The following LAMA2 variants were observed in gnomAD, a reference collection of about 807,000 sequenced individuals.
The protein encoded by LAMA2 is laminin subunit alpha-2.
LAMA2 carries 269 observed loss-of-function variants against 364.8 expected under a neutral mutation model. That is an observed-to-expected ratio of 0.74 (90% CI 0.67 to 0.82). LAMA2 has a LOEUF of 0.82. Ranked by LOEUF, LAMA2 falls within the 40% of genes least tolerant of loss-of-function variation. The probability of loss-of-function intolerance (pLI) is 0.00; values close to 1 mark genes in which losing one functional copy is unlikely to be tolerated. For missense variants in LAMA2, 3,807 were observed against 3,873.2 expected (o/e 0.98, Z 0.45); for synonymous variants, 1,379 against 1,370.6 (o/e 1.01, Z -0.14).
intron 32 of LAMA2, 54 bp downstream of exon 32, chr6:129,353,411 T>G: frequency 7.0e-7 from 1 of 1,436,402 alleles, no homozygotes; most frequent in African/African-American, 1.4e-5. Context: ...CAGTTCTGTC[T>G]CATTTCCAAT....
chr6:129,097,093 C>T (rs78808887), intron 3 of LAMA2, among the ~76,000 whole-genome samples: 1 of 152,182 alleles, frequency 6.6e-6, no homozygotes, highest in Non-Finnish European at 1.5e-5. Flanking sequence ...TTGTGCCCCA[C>T]CAGTGACCTC....
intron 1 of LAMA2, among the ~76,000 whole-genome samples, chr6:128,943,521 G>A (rs909069552): frequency 6.6e-6 from 1 of 151,822 alleles, no homozygotes; most frequent in Non-Finnish European, 1.5e-5. Flanking sequence ...TGAACTCCTG[G>A]ACCTCCAGCA....
At chr6:129,486,900 T>A (rs1784614868) in intron 56 of LAMA2, among the ~76,000 whole-genome samples, 1 of 152,088 alleles carries the variant, frequency 6.6e-6, no homozygotes, top group African/African-American at 2.4e-5. Flanking sequence ...ATAAGAAAAA[T>A]CCCTCCCTCT....
At position 128,957,341 on chromosome 6, in the gene LAMA2, T is replaced by C. The variant is rs956303410; in HGVS notation, c.112+73984T>C. Among the ~76,000 whole-genome samples the C allele has an allele frequency of 3.3e-5, 5 of 152,170 alleles. No homozygotes were observed. In the South Asian group the frequency reaches 8.3e-4, roughly 25 times the overall value. On this transcript the variant is annotated intron_variant, in intron 1 of 64. Coordinates refer to ENST00000421865, the MANE Select transcript of LAMA2 (RefSeq NM_000426.4). The stretch of plus-strand genomic sequence containing the variant: ...TGTCTTCAATATACCTACCATAGAC[T>C]GTAAGGGATTATTTCGAGTAGTCAG...
intron 8 of LAMA2, among the ~76,000 whole-genome samples, chr6:129,159,662 T>C (rs1779340568): frequency 6.6e-6 from 1 of 152,254 alleles, no homozygotes; most frequent in Admixed American, 6.5e-5. Context: ...TGGCGAGAGC[T>C]GACATCTTCA....
chr6:129,346,379 C>G (rs1405080923), intron 30 of LAMA2, among the ~76,000 whole-genome samples: 1 of 152,164 alleles, frequency 6.6e-6, no homozygotes, highest in East Asian at 1.9e-4. Flanking sequence ...CAAACCCTAC[C>G]TCTGCCACAA....
rs147958976 is a variant in LAMA2, at chr6:129,406,979, G to A, written c.5865+3020G>A. ...CTGGTGTAAGTCCAGGAATCCAAAA[G>A]CTGAAGAACTTGGAGTGTGATGTTC... is the stretch of plus-strand genomic sequence containing the variant. On this transcript the variant is annotated intron_variant, in intron 40 of 64. Coordinates refer to ENST00000421865, the MANE Select transcript of LAMA2 (RefSeq NM_000426.4). Among the ~76,000 whole-genome samples the A allele has an allele frequency of 2.7e-3, 416 of 152,286 alleles. 3 individuals are homozygous for A. The highest frequency in any genetic ancestry group is 9.7e-3 in the African/African-American group (401 of 41,550).
intron 18 of LAMA2, among the ~76,000 whole-genome samples, chr6:129,286,960 A>AGAAG (rs1789285508): frequency 1.6e-3 from 1 of 638 alleles, no homozygotes; most frequent in South Asian, 0.25. Context: ...CAGGAGACAA[A>AGAAG]GAAAGAAAGA....
At chr6:129,472,172 C>T (rs1783844464) in intron 51 of LAMA2, among the ~76,000 whole-genome samples, 1 of 151,848 alleles carries the variant, frequency 6.6e-6, no homozygotes, top group South Asian at 2.1e-4. Context: ...CAGTATTTGT[C>T]ATATTTATTT....
intron 12 of LAMA2, among the ~76,000 whole-genome samples, chr6:129,242,351 A>G (rs1362061516): frequency 6.6e-6 from 1 of 152,158 alleles, no homozygotes; most frequent in Non-Finnish European, 1.5e-5. Flanking sequence ...CACAAGGATT[A>G]TACATTTTCT....
intron 32 of LAMA2, among the ~76,000 whole-genome samples, chr6:129,364,101 T>TTGTCACCTGCAAGAAGCTGCAGG (rs538824801): frequency 2.0e-5 from 3 of 152,156 alleles, no homozygotes; most frequent in Non-Finnish European, 4.4e-5. Flanking sequence ...CGCTCTACAG[T>TTGTCACCTGCAAGAAGCTGCAGG]TGTCACCTGC....
chr6:129,144,477 A>AT (rs35321076), intron 5 of LAMA2, among the ~76,000 whole-genome samples: 3 of 151,818 alleles, frequency 2.0e-5, no homozygotes, highest in African/African-American at 4.8e-5. Context: ...GCTTTGAAAC[A>AT]TTTTTTTGCC....
chr6:129,403,846 T>A lies in LAMA2; in HGVS notation c.5752T>A (p.Ser1918Thr), dbSNP rs1210657779. The A allele has an allele frequency of 7.4e-6, 12 of 1,613,626 alleles. No homozygotes were observed. The highest frequency in any genetic ancestry group is 9.3e-6 in the Non-Finnish European group (11 of 1,179,792). ...DGILDEAKNI[S>T]FNATAAFKAY... ...AATCCTTGATGAGGCTAAAAACATC[T>A]CCTTCAATGCCACTGCAGCCTTCAA... The change falls in exon 40 of 65, where the codon TCC becomes ACC. Residue 1918 changes from serine to threonine, a missense_variant. Physicochemically the swap from Ser to Thr is moderately conservative, Grantham distance 58 (BLOSUM62 1). Transcript: ENST00000421865.
At chr6:129,384,361 A>AT (rs1778860181) in intron 35 of LAMA2, among the ~76,000 whole-genome samples, 1 of 152,182 alleles carries the variant, frequency 6.6e-6, no homozygotes, top group Non-Finnish European at 1.5e-5. Context: ...GCGGATCCCC[A>AT]AAGGCCCTAG....
At chr6:128,905,659 G>C (rs1446048913) in intron 1 of LAMA2, 3 of 149,972 alleles carry the variant, frequency 2.0e-5, no homozygotes, top group African/African-American at 7.4e-5. Context: ...TATACTTTAA[G>C]TTTTAGGGTA....
At chr6:129,135,420 G>T (rs1397416178) in intron 4 of LAMA2, among the ~76,000 whole-genome samples, 1 of 152,182 alleles carries the variant, frequency 6.6e-6, no homozygotes, top group Non-Finnish European at 1.5e-5. Flanking sequence ...AGTGAATTCA[G>T]ACTGGAATCG....
chr6:129,286,567 T>A lies in LAMA2; in HGVS notation c.2538-1280T>A, dbSNP rs1343272047. On this transcript the variant is annotated intron_variant, in intron 18 of 64. Transcript: ENST00000421865. ...ATATATTATATAAATAGTTTTATAT[T>A]ATATTATATTTATATAATATATATA... 5.0e-3 allele frequency among the ~76,000 whole-genome samples: 4 copies of A among 794 alleles called. 2 individuals are homozygous for A. Among genetic ancestry groups the A allele is most frequent in the Non-Finnish European group, 0.019 (2 of 108 alleles). 0.5% of individuals were successfully genotyped at this position (794 alleles called of 152,430 possible).
At chr6:129,385,664 G>A (rs915164191) in intron 35 of LAMA2, among the ~76,000 whole-genome samples, 8 of 151,942 alleles carry the variant, frequency 5.3e-5, no homozygotes, top group Admixed American at 2.6e-4. Flanking sequence ...AATATCTACC[G>A]TGCTATGACT....
At chr6:129,425,527 C>T (rs566804996) in intron 40 of LAMA2, among the ~76,000 whole-genome samples, 105 of 151,934 alleles carry the variant, frequency 6.9e-4, no homozygotes, top group African/African-American at 2.2e-3. Context: ...GATTTCATCA[C>T]GCAGGAACTA....
Sources: allele counts gnomAD v4.1 joint callset (sites outside exome capture counted in the v4.1 genomes callset), GRCh38; gene constraint gnomAD v4.1.1; transcripts MANE v1.5; gene names NCBI Gene and HGNC (gene_info 2026-07-23, HGNC 2026-07-21).